Variants in SYTL4 observed in about 807,000 individuals in gnomAD.
SYTL4 encodes synaptotagmin like 4.
Under a neutral mutation model 52.7 loss-of-function variants are expected in SYTL4, and 16 were observed. The observed-to-expected ratio is 0.30, with a 90% CI of 0.21 to 0.46. SYTL4 has a LOEUF of 0.46. Ranked by LOEUF, SYTL4 falls within the 20% of genes least tolerant of loss-of-function variation. The probability of loss-of-function intolerance (pLI) is 1.00; values close to 1 mark genes in which losing one functional copy is unlikely to be tolerated. For synonymous variants in SYTL4, 160 were observed against 186.6 expected (o/e 0.86, Z 1.16); for missense variants, 423 against 519.9 (o/e 0.81, Z 1.81).
At chrX:100,725,656 C>A (rs1390732981) in intron 2 of SYTL4, among the ~76,000 whole-genome samples, 8 of 111,722 alleles carry the variant, frequency 7.2e-5, no homozygotes, top group Non-Finnish European at 1.5e-4. Flanking sequence ...ACTTCCCCTG[C>A]CGAAATAAGT....
At chrX:100,703,880 G>A (rs1171734546) in intron 3 of SYTL4, among the ~76,000 whole-genome samples, 1 of 112,207 alleles carries the variant, frequency 8.9e-6, no homozygotes, top group Non-Finnish European at 1.9e-5. Context: ...ATTTGTATAT[G>A]CAAAGAGAAA....
intron 8 of SYTL4, among the ~76,000 whole-genome samples, chrX:100,695,258 C>T (rs747641125): frequency 2.7e-5 from 3 of 111,582 alleles, no homozygotes; most frequent in African/African-American, 6.5e-5. Context: ...AGGTAAATCA[C>T]TTATCCTGCT....
chrX:100,716,341 C>T (rs1387240490), intron 2 of SYTL4, among the ~76,000 whole-genome samples: 1 of 102,431 alleles, frequency 9.8e-6, no homozygotes, highest in Non-Finnish European at 2.0e-5. Context: ...CCCAGCTACT[C>T]GGGAAGGCTG....
intron 8 of SYTL4, 47 bp downstream of exon 8, chrX:100,700,850 T>C: frequency 1.1e-6 from 1 of 944,297 alleles, no homozygotes; most frequent in Non-Finnish European, 1.5e-6. Flanking sequence ...GTAAAAGAAT[T>C]AAAGGGATAT....
At chrX:100,685,915 A>C in intron 16 of SYTL4, 75 bp downstream of exon 16, 1 of 1,020,662 alleles carries the variant, frequency 9.8e-7, no homozygotes, top group Non-Finnish European at 1.3e-6. Flanking sequence ...AGACGCTACC[A>C]ACATAGACCA....
chrX:100,716,623 C>T (rs748679845), intron 2 of SYTL4, among the ~76,000 whole-genome samples: 2 of 107,384 alleles, frequency 1.9e-5, no homozygotes, highest in South Asian at 8.5e-4. Flanking sequence ...CCTAAAATCC[C>T]CTTGTCTGGA....
intron 12 of SYTL4, 118 bp from the exon 13 acceptor site, chrX:100,688,561 T>A: frequency 2.1e-6 from 1 of 486,411 alleles, no homozygotes; most frequent in Non-Finnish European, 3.1e-6. Flanking sequence ...GCACACATAC[T>A]TCTTTTTTTT....
At position 100,678,515 on chromosome X, in the gene SYTL4, T is replaced by C. The variant is rs765997354; in HGVS notation, c.1743A>G (p.Thr581=). ...CCAGCCTCACACCATTGTAGACAAA[T>C]GTATGGTTGTAGTGAGGATTCAGGG... ...KKTLNPHYNH[T]FVYNGVRLED... The change falls in exon 19 of 20, where the codon ACA becomes ACG. Residue 581 remains threonine, a synonymous_variant. Coordinates refer to ENST00000372989, the MANE Select transcript of SYTL4 (RefSeq NM_001370165.1). The C allele has an allele frequency of 5.0e-6, 6 of 1,208,299 alleles. No homozygotes were observed. Among genetic ancestry groups the C allele is most frequent in the Non-Finnish European group, 6.7e-6 (6 of 894,117 alleles).
At chrX:100,688,878 T>C (rs971324333) in intron 12 of SYTL4, among the ~76,000 whole-genome samples, 3 of 110,307 alleles carry the variant, frequency 2.7e-5, no homozygotes, top group South Asian at 7.9e-4. Context: ...TATCCTTCTT[T>C]TTACATGTCT....
chrX:100,718,060 T>A (rs941873316), intron 2 of SYTL4, among the ~76,000 whole-genome samples: 3 of 112,153 alleles, frequency 2.7e-5, no homozygotes, highest in Non-Finnish European at 5.6e-5. Flanking sequence ...AGCTCCTGCC[T>A]ATGGCTTTGA....
chrX:100,711,903 A>G (rs1351171806), intron 2 of SYTL4, among the ~76,000 whole-genome samples: 1 of 110,763 alleles, frequency 9.0e-6, no homozygotes, highest in Non-Finnish European at 1.9e-5. Flanking sequence ...AGGACACATT[A>G]TATATATACA....
chrX:100,727,891 C>A (rs1034240381), intron 2 of SYTL4, among the ~76,000 whole-genome samples: 13 of 111,603 alleles, frequency 1.2e-4, no homozygotes, highest in Non-Finnish European at 1.9e-4. Flanking sequence ...AATACAAGGG[C>A]AATCGGGAGT....
rs183497469 is a variant in SYTL4, at chrX:100,674,808, C to G, written c.*1220G>C. On this transcript the variant is annotated 3_prime_UTR_variant, in exon 20 of 20. Transcript: ENST00000372989. ...ATGAGAATAGAAAGGTCAGTTTGAT[C>G]AATGAGTACCAGAAGATGAAACTTA... The G allele has an allele frequency of 5.4e-5, 6 of 111,860 alleles. No individual in the cohort carries two copies. Among genetic ancestry groups the G allele is most frequent in the Non-Finnish European group, 9.4e-5 (5 of 53,196 alleles). 9.2% of individuals were successfully genotyped at this position (111,860 alleles called of 1,213,427 possible).
intron 2 of SYTL4, among the ~76,000 whole-genome samples, chrX:100,708,900 T>C (rs943522237): frequency 2.1e-4 from 24 of 112,254 alleles, no homozygotes; most frequent in African/African-American, 6.5e-4. Flanking sequence ...CTGTGTTGCA[T>C]GCAGGCCACA....
chrX:100,677,819 G>C (rs5921624), intron 19 of SYTL4, among the ~76,000 whole-genome samples: 44,008 of 111,026 alleles, frequency 0.4, 6,668 homozygotes, highest in East Asian at 0.66. Flanking sequence ...TCACAGTGAA[G>C]GAGAGCTGAA....
chrX:100,714,491 C>T (rs2084158098), intron 2 of SYTL4, among the ~76,000 whole-genome samples: 1 of 111,438 alleles, frequency 9.0e-6, no homozygotes, highest in Non-Finnish European at 1.9e-5. Context: ...GATCTCCTGA[C>T]CTCGTGATCT....
chrX:100,709,107 T>G (rs774797253), intron 2 of SYTL4, among the ~76,000 whole-genome samples: 1 of 111,835 alleles, frequency 8.9e-6, no homozygotes, highest in African/African-American at 3.2e-5. Flanking sequence ...TTTACATGTT[T>G]AAACTTAAAC....
intron 2 of SYTL4, among the ~76,000 whole-genome samples, chrX:100,724,026 G>GC (rs1357140803): frequency 2.1e-5 from 2 of 93,831 alleles, no homozygotes; most frequent in East Asian, 7.4e-4. Context: ...GGGGGGGTCA[G>GC]CCCCCCGCCC....
rs1369610824 is a variant in SYTL4 at position 100,701,231 on chromosome X, T to C, written c.425A>G (p.His142Arg). 3.3e-6 allele frequency: 4 copies of C among 1,206,670 alleles called. No individual in the cohort carries two copies. The Admixed American group carries it at 6.5e-5, about 20-fold the overall frequency. Residue 142 changes from histidine (H) to arginine (R), a missense_variant, in exon 7 of 20, where the codon CAC becomes CGC. Transcript: ENST00000372989. Reference sequence around the variant, plus strand: ...GACAGGTCCAGTACCTGCAGGTTTGTGGCGCAGGGACATCCTGATTATCTC... The same window carrying C: ...GACAGGTCCAGTACCTGCAGGTTTGCGGCGCAGGGACATCCTGATTATCTC... ...GSEIIRMSLRHKPAVSKRETV... is the reference protein window; with the variant it reads ...GSEIIRMSLRRKPAVSKRETV...
Sources: allele counts gnomAD v4.1 joint callset (sites outside exome capture counted in the v4.1 genomes callset), GRCh38; gene constraint gnomAD v4.1.1; transcripts MANE v1.5; gene names NCBI Gene and HGNC (gene_info 2026-07-23, HGNC 2026-07-21).